The following CELF4 variants were observed in gnomAD, a reference collection of about 807,000 sequenced individuals.
The protein encoded by CELF4 is CUGBP Elav-like family member 4.
In CELF4, 18 loss-of-function variants were observed where a neutral mutation model predicts 59.9. The observed-to-expected ratio is 0.30, with a 90% CI of 0.21 to 0.45. CELF4 has a LOEUF of 0.45. Among genes scored for constraint, CELF4 ranks in the 20% least tolerant of loss-of-function variants. CELF4 has a pLI of 1.00. For missense variants in CELF4, 456 were observed against 689.0 expected, an observed-to-expected ratio of 0.66 and a Z score of 3.79; for synonymous variants, 261 against 267.1, an observed-to-expected ratio of 0.98 and a Z score of 0.22.
chr18:37,266,297 C>T, intron 9 of CELF4: 1 of 596,450 alleles, frequency 1.7e-6, no homozygotes, highest in East Asian at 2.8e-5. Context: ...GTGAAACTTC[C>T]ACCTGGCCTG....
rs188786153 is a variant in CELF4 at position 37,558,678 on chromosome 18, A to C, written c.286+6678T>G. Among the ~76,000 whole-genome samples the C allele has an allele frequency of 2.4e-4, 36 of 151,782 alleles. 1 individual carries two copies. In the East Asian group the frequency reaches 6.7e-3, roughly 28 times the overall value. The stretch of plus-strand genomic sequence containing the variant: ...CTGCAGGAAAAGAAGAGGTGAAAGG[A>C]GTGGATTTTCTGCTCTTGTTATAGA... On this transcript the variant is annotated intron_variant, in intron 1 of 12. Coordinates refer to ENST00000420428, the MANE Select transcript of CELF4 (RefSeq NM_020180.4).
intron 2 of CELF4, among the ~76,000 whole-genome samples, chr18:37,477,910 C>T (rs1307645821): frequency 6.6e-6 from 1 of 152,178 alleles, no homozygotes. Context: ...TGCAAAATGC[C>T]TGTCTGGTGT....
At chr18:37,416,030 A>G (rs1040432022) in intron 2 of CELF4, among the ~76,000 whole-genome samples, 10 of 152,184 alleles carry the variant, frequency 6.6e-5, no homozygotes, top group African/African-American at 2.4e-4. Flanking sequence ...ATCTTTCAGA[A>G]GGTGGCAAAA....
chr18:37,352,939 T>A (rs11873993), intron 2 of CELF4, among the ~76,000 whole-genome samples: 4 of 151,964 alleles, frequency 2.6e-5, no homozygotes, highest in Non-Finnish European at 5.9e-5. Context: ...AACCCTTTCT[T>A]GGCCGGGCGC....
At chr18:37,538,782 C>T (rs979076478) in intron 1 of CELF4, among the ~76,000 whole-genome samples, 9 of 152,166 alleles carry the variant, frequency 5.9e-5, no homozygotes, top group Non-Finnish European at 1.3e-4. Flanking sequence ...CAGTTACTTA[C>T]GGGGTTCTCT....
Position 37,538,155 on chromosome 18 carries a change from C to T in CELF4, c.286+27201G>A, listed in dbSNP as rs564758615. The stretch of plus-strand genomic sequence containing the variant: ...TGGCGGGGTGGGAGGGCGGCCTCCT[C>T]ATCCCAGGGGATGGCCCTGGTCTCT... On this transcript the variant is annotated intron_variant, in intron 1 of 12. Coordinates refer to ENST00000420428, the MANE Select transcript of CELF4 (RefSeq NM_020180.4). Among the ~76,000 whole-genome samples the T allele has an allele frequency of 3.3e-4, 51 of 152,344 alleles. No homozygotes were observed. In the South Asian group the frequency reaches 8.5e-3, roughly 25 times the overall value.
At chr18:37,458,320 A>G (rs1012954940) in intron 2 of CELF4, among the ~76,000 whole-genome samples, 3 of 151,842 alleles carry the variant, frequency 2.0e-5, no homozygotes, top group Admixed American at 2.0e-4. Flanking sequence ...GCACACTAGA[A>G]CTCTTGCCTC....
At chr18:37,526,169 G>C (rs1429533154) in intron 1 of CELF4, among the ~76,000 whole-genome samples, 1 of 152,194 alleles carries the variant, frequency 6.6e-6, no homozygotes, top group African/African-American at 2.4e-5. Flanking sequence ...CAGGGCCAAG[G>C]CTGGGACGAT....
intron 2 of CELF4, among the ~76,000 whole-genome samples, chr18:37,323,183 C>T (rs1380122173): frequency 1.3e-5 from 2 of 151,676 alleles, no homozygotes; most frequent in Admixed American, 1.3e-4. Context: ...GAGCCGTGGC[C>T]GGGAAGGACA....
intron 2 of CELF4, among the ~76,000 whole-genome samples, chr18:37,456,381 T>C (rs946913184): frequency 6.6e-6 from 1 of 152,166 alleles, no homozygotes; most frequent in African/African-American, 2.4e-5. Flanking sequence ...GGCCCAGGAC[T>C]CTGCCTGCCC....
intron 2 of CELF4, among the ~76,000 whole-genome samples, chr18:37,412,859 C>T (rs1287363926): frequency 6.6e-5 from 10 of 150,948 alleles, no homozygotes; most frequent in South Asian, 4.2e-4. Flanking sequence ...CCACTCCCCG[C>T]GCCAATGTGT....
At chr18:37,478,313 C>T (rs1020170106) in intron 2 of CELF4, among the ~76,000 whole-genome samples, 1 of 152,180 alleles carries the variant, frequency 6.6e-6, no homozygotes, top group African/African-American at 2.4e-5. Flanking sequence ...CTGGACCTGG[C>T]CCAGGTTCCC....
intron 3 of CELF4, among the ~76,000 whole-genome samples, chr18:37,293,382 G>A (rs529321859): frequency 6.6e-6 from 1 of 152,288 alleles, no homozygotes; most frequent in East Asian, 1.9e-4. Flanking sequence ...CGTCACTCCA[G>A]TCTCTGATTC....
intron 3 of CELF4, among the ~76,000 whole-genome samples, chr18:37,307,071 G>C (rs1411152664): frequency 1.3e-5 from 2 of 151,892 alleles, no homozygotes; most frequent in African/African-American, 4.8e-5. Flanking sequence ...GGGCCACCAA[G>C]TCTTCCCCAG....
intron 2 of CELF4, among the ~76,000 whole-genome samples, chr18:37,332,113 C>A (rs918191024): frequency 6.6e-6 from 1 of 152,168 alleles, no homozygotes; most frequent in Admixed American, 6.5e-5. Context: ...AGAACCTTGG[C>A]ACCAGGTGCC....
At position 37,420,034 on chromosome 18, in the gene CELF4, C is replaced by T. The variant is rs572869683; in HGVS notation, c.369+65491G>A. On this transcript the variant is annotated intron_variant, in intron 2 of 12. Coordinates refer to ENST00000420428, the MANE Select transcript of CELF4 (RefSeq NM_020180.4). ...TGGTATCCAGCAACACATTGATCCA[C>T]ATGCTTTTGACACCCTGCTGGGAGG... 2.1e-4 allele frequency among the ~76,000 whole-genome samples: 32 copies of T among 152,332 alleles called. No homozygotes were observed. In the South Asian group the frequency reaches 6.2e-3, roughly 30 times the overall value.
intron 3 of CELF4, among the ~76,000 whole-genome samples, chr18:37,291,397 G>A (rs1338068501): frequency 6.6e-6 from 1 of 152,178 alleles, no homozygotes; most frequent in Non-Finnish European, 1.5e-5. Flanking sequence ...GCTCAAGGTT[G>A]GGCAGGAAGC....
In CELF4 at chr18:37,275,020, G is replaced by C. The variant is rs2092812473; in HGVS notation, c.577+95C>G. On this transcript the variant is annotated intron_variant, in intron 4 of 12. Transcript: ENST00000420428. ...AGAGACACCAAGAAGCCCAGAGACAGACGGCGATGGCCCCGGAGACTCAGA... is the reference window on the plus strand; with the variant it reads ...AGAGACACCAAGAAGCCCAGAGACACACGGCGATGGCCCCGGAGACTCAGA... 5 of 1,549,108 alleles carry C rather than the reference G, an allele frequency of 3.2e-6. No homozygotes were observed. The South Asian group carries it at 5.8e-5, about 18-fold the overall frequency.
intron 2 of CELF4, among the ~76,000 whole-genome samples, chr18:37,427,261 T>C (rs1836634175): frequency 6.6e-6 from 1 of 152,156 alleles, no homozygotes; most frequent in Admixed American, 6.5e-5. Context: ...AACACATTCT[T>C]GTTCTTCTGT....
Sources: gnomAD v4.1 joint callset for allele counts (sites outside exome capture counted in the v4.1 genomes callset) on GRCh38, gnomAD v4.1.1 for gene constraint, MANE v1.5 for transcripts, NCBI Gene and HGNC (gene_info 2026-07-23, HGNC 2026-07-21) for gene names.